The following RAPGEF5 variants were observed in gnomAD, a reference collection of about 807,000 sequenced individuals.
RAPGEF5 encodes M-Ras-regulated GEF.
RAPGEF5 carries 65 observed loss-of-function variants against 125.2 expected under a neutral mutation model. The observed-to-expected ratio is 0.52, with a 90% confidence interval of 0.43 to 0.64. The LOEUF (loss-of-function observed/expected upper bound fraction) is 0.64. Among genes scored for constraint, RAPGEF5 ranks in the 30% least tolerant of loss-of-function variants. The pLI, the probability that RAPGEF5 is intolerant of heterozygous loss-of-function variation, is 0.00. For missense variants in RAPGEF5, 958 were observed against 1,048.1 expected (o/e 0.91, Z 1.19); for synonymous variants, 391 against 385.9 (o/e 1.01, Z -0.16).
At chr7:22,326,876 AC>A (rs1783824666) in intron 1 of RAPGEF5, among the ~76,000 whole-genome samples, 1 of 152,356 alleles carries the variant, frequency 6.6e-6, no homozygotes, top group South Asian at 2.1e-4. Flanking sequence ...AAGTGCTCTT[AC>A]CACAAAAAAA....
chr7:22,193,725 C>A, intron 10 of RAPGEF5, 190 bp downstream of exon 10: 2 of 1,555,374 alleles, frequency 1.3e-6, no homozygotes, highest in Non-Finnish European at 1.7e-6. Flanking sequence ...CCTGTCCTTT[C>A]ACTGGGAACT....
At chr7:22,178,402 A>G (rs2128120434) in intron 11 of RAPGEF5, among the ~76,000 whole-genome samples, 1 of 152,284 alleles carries the variant, frequency 6.6e-6, no homozygotes, top group African/African-American at 2.4e-5. Context: ...CCAGGGGCTC[A>G]ATCCCACAAG....
At chr7:22,167,528 G>T (rs1186052582) in intron 11 of RAPGEF5, among the ~76,000 whole-genome samples, 4 of 152,092 alleles carry the variant, frequency 2.6e-5, no homozygotes, top group Admixed American at 2.0e-4. Context: ...AAGTCCTACG[G>T]GGAATAAAGC....
chr7:22,337,070 T>C (rs992915240), intron 1 of RAPGEF5, among the ~76,000 whole-genome samples: 23 of 152,198 alleles, frequency 1.5e-4, no homozygotes, highest in African/African-American at 5.3e-4. Context: ...GGAATGGCAA[T>C]ACAGAAAGAG....
Position 22,193,312 on chromosome 7 carries a change from T to C in RAPGEF5, c.1204+55A>G, listed in dbSNP as rs1785053878. 3 of 1,527,224 alleles carry C rather than the reference T, an allele frequency of 2.0e-6. No homozygotes were observed. The East Asian group carries it at 7.4e-5, about 37-fold the overall frequency. The allele number at this position is 1,527,224 out of a possible 1,614,324, so 94.6% of individuals were successfully genotyped here. On this transcript the variant is annotated intron_variant, in intron 11 of 25. Transcript: ENST00000665637. The stretch of plus-strand genomic sequence containing the variant: ...GTGGGAACCTTGCCCCTGAGGGTAC[T>C]GACAAGGGCATCAGCTGCTATCAGT...
chr7:22,200,454 GTACACGA>G (rs1785251115), intron 9 of RAPGEF5, among the ~76,000 whole-genome samples: 1 of 152,174 alleles, frequency 6.6e-6, no homozygotes, highest in Non-Finnish European at 1.5e-5. Flanking sequence ...ATATGTCTTT[GTACACGA>G]TACTCTGGCA....
chr7:22,335,259 T>G (rs538036346), intron 1 of RAPGEF5, among the ~76,000 whole-genome samples: 18 of 152,322 alleles, frequency 1.2e-4, no homozygotes, highest in African/African-American at 4.1e-4. Flanking sequence ...TGTGATCAGC[T>G]ACACAAGTTC....
At chr7:22,343,286 G>A (rs570916690) in intron 1 of RAPGEF5, among the ~76,000 whole-genome samples, 3 of 152,188 alleles carry the variant, frequency 2.0e-5, no homozygotes, top group African/African-American at 4.8e-5. Flanking sequence ...ACCTCCCACC[G>A]GGTTCCTCCT....
At chr7:22,210,069 A>T (rs1785475725) in intron 9 of RAPGEF5, among the ~76,000 whole-genome samples, 1 of 152,218 alleles carries the variant, frequency 6.6e-6, no homozygotes, top group Non-Finnish European at 1.5e-5. Flanking sequence ...AGTTTTAGAA[A>T]TAAAGTTTTC....
intron 11 of RAPGEF5, among the ~76,000 whole-genome samples, chr7:22,174,553 A>G (rs946110006): frequency 6.6e-6 from 1 of 152,226 alleles, no homozygotes; most frequent in Non-Finnish European, 1.5e-5. Flanking sequence ...GCCTGTGGAC[A>G]TGCAAGTTGG....
intron 24 of RAPGEF5, among the ~76,000 whole-genome samples, chr7:22,127,603 T>A (rs1782789079): frequency 6.6e-6 from 1 of 152,228 alleles, no homozygotes; most frequent in South Asian, 2.1e-4. Flanking sequence ...GAATCAACAG[T>A]AGCTCTCTAC....
chr7:22,230,789 C>T lies in RAPGEF5; in HGVS notation c.870+57G>A. The T allele has an allele frequency of 3.4e-6, 5 of 1,464,232 alleles. No homozygotes were observed. The South Asian group carries it at 6.2e-5, about 18-fold the overall frequency. 90.7% of individuals were successfully genotyped at this position (1,464,232 alleles called of 1,614,324 possible). On this transcript the variant is annotated intron_variant, in intron 8 of 25. Coordinates refer to ENST00000665637, the MANE Select transcript of RAPGEF5 (RefSeq NM_012294.5). ...TATCATTTTTTAACACCTGCACTGTCTCACCACCCTCAACACAGAAGGGTA... is the reference window on the plus strand; with the variant it reads ...TATCATTTTTTAACACCTGCACTGTTTCACCACCCTCAACACAGAAGGGTA...
intron 6 of RAPGEF5, among the ~76,000 whole-genome samples, chr7:22,285,326 A>T (rs1235757214): frequency 6.6e-6 from 1 of 152,222 alleles, no homozygotes; most frequent in Non-Finnish European, 1.5e-5. Flanking sequence ...ATCTGTATTC[A>T]ACATGACAAA....
chr7:22,172,725 C>T (rs1300154605), intron 11 of RAPGEF5, among the ~76,000 whole-genome samples: 1 of 152,122 alleles, frequency 6.6e-6, no homozygotes, highest in Non-Finnish European at 1.5e-5. Context: ...AAGCTTAATG[C>T]TTTCTTTGTA....
intron 7 of RAPGEF5, among the ~76,000 whole-genome samples, chr7:22,237,902 A>G (rs1396696050): frequency 6.6e-6 from 1 of 152,232 alleles, no homozygotes; most frequent in Admixed American, 6.5e-5. Context: ...AGATATAAAT[A>G]GAGCAAAATG....
intron 18 of RAPGEF5, among the ~76,000 whole-genome samples, 153 bp downstream of exon 18, chr7:22,150,254 T>G (rs1484214409): frequency 6.6e-6 from 1 of 151,904 alleles, no homozygotes; most frequent in African/African-American, 2.4e-5. Flanking sequence ...TCTTAAGTTT[T>G]TTTGTAGAGA....
Position 22,166,665 on chromosome 7 carries a change from T to G in RAPGEF5, c.1283+405A>C, listed in dbSNP as rs145964886. 4.8e-3 allele frequency among the ~76,000 whole-genome samples: 726 copies of G among 152,332 alleles called. 10 individuals carry two copies. The highest frequency in any genetic ancestry group is 0.017 in the African/African-American group (707 of 41,558). On this transcript the variant is annotated intron_variant, in intron 12 of 25. Coordinates refer to ENST00000665637, the MANE Select transcript of RAPGEF5 (RefSeq NM_012294.5). Reference sequence around the variant, plus strand: ...TACTTGCCAGGAACATTATATCACATATGTGCATTTTCCTTCACAAGTGGT... The same window carrying G: ...TACTTGCCAGGAACATTATATCACAGATGTGCATTTTCCTTCACAAGTGGT...
chr7:22,253,467 T>C (rs1699585836), intron 7 of RAPGEF5, among the ~76,000 whole-genome samples: 2 of 152,176 alleles, frequency 1.3e-5, no homozygotes, highest in African/African-American at 4.8e-5. Context: ...TTTGAGAGGC[T>C]GTGAAAGTCT....
chr7:22,355,512 A>C (rs1240900317), intron 1 of RAPGEF5, among the ~76,000 whole-genome samples: 1 of 152,216 alleles, frequency 6.6e-6, no homozygotes. Flanking sequence ...TCTTGGGGAC[A>C]CATTTCCTCA....
Sources: allele counts gnomAD v4.1 joint callset (sites outside exome capture counted in the v4.1 genomes callset), GRCh38; gene constraint gnomAD v4.1.1; transcripts MANE v1.5; gene names NCBI Gene and HGNC (gene_info 2026-07-23, HGNC 2026-07-21).